The following ALDH1A2 variants were observed in gnomAD, a reference collection of about 807,000 sequenced individuals.
ALDH1A2 encodes the protein aldehyde dehydrogenase 1 family member A2.
ALDH1A2 carries 27 observed loss-of-function variants against 60.3 expected under a neutral mutation model. The observed-to-expected ratio is 0.45, with a 90% CI of 0.33 to 0.62. The LOEUF is 0.62. Among genes scored for constraint, ALDH1A2 ranks in the 20% least tolerant of loss-of-function variants. The pLI, the probability that ALDH1A2 is intolerant of heterozygous loss-of-function variation, is 0.02. For synonymous variants in ALDH1A2, 289 were observed against 232.4 expected (o/e 1.24, Z -2.21); for missense variants, 581 against 643.8 (o/e 0.90, Z 1.06).
intron 1 of ALDH1A2, among the ~76,000 whole-genome samples, chr15:58,053,551 C>T (rs1896827895): frequency 6.6e-6 from 1 of 152,012 alleles, no homozygotes; most frequent in African/African-American, 2.4e-5. Flanking sequence ...CTTTATGTAC[C>T]CCTATTTATG....
intron 7 of ALDH1A2, among the ~76,000 whole-genome samples, chr15:57,983,664 T>C (rs1894592514): frequency 1.3e-5 from 2 of 152,208 alleles, no homozygotes; most frequent in Admixed American, 6.5e-5. Context: ...GATCTTATCA[T>C]CTTGAAAATC....
At chr15:57,964,214 A>T in intron 8 of ALDH1A2, 145 bp from the exon 9 acceptor site, 1 of 730,810 alleles carries the variant, frequency 1.4e-6, no homozygotes, top group Non-Finnish European at 2.3e-6. Flanking sequence ...TGGGAATGCA[A>T]CTAGTTCTAA....
chr15:58,038,691 A>G (rs749862809), intron 1 of ALDH1A2: 3 of 151,812 alleles, frequency 2.0e-5, no homozygotes, highest in Non-Finnish European at 4.4e-5. Context: ...GTTGTGACAC[A>G]GTCCCAAATT....
chr15:57,960,217 T>C (rs553710372), intron 12 of ALDH1A2, among the ~76,000 whole-genome samples: 14 of 152,346 alleles, frequency 9.2e-5, no homozygotes, highest in African/African-American at 2.6e-4. Flanking sequence ...TCTTCCTCCA[T>C]AGACCAAGCA....
At chr15:58,043,860 AGTAGAGGCTCCTTTGG>A in intron 1 of ALDH1A2, among the ~76,000 whole-genome samples, 1 of 152,126 alleles carries the variant, frequency 6.6e-6, no homozygotes, top group Non-Finnish European at 1.5e-5. Context: ...GTCTAAACAT[AGTAGAGGCTCCTTTGG>A]TTAGGAAGAG....
Position 57,962,989 on chromosome 15 carries a change from G to C in ALDH1A2, c.1087-813C>G, listed in dbSNP as rs537624734. ...AACCTGCAGAGGAGGCTGTTCAGGA[G>C]AGACTTTGTGGCCCTCCCCACCCCA... is the stretch of plus-strand genomic sequence containing the variant. On this transcript the variant is annotated intron_variant, in intron 9 of 12. Coordinates refer to ENST00000249750, the MANE Select transcript of ALDH1A2 (RefSeq NM_003888.4). Among the ~76,000 whole-genome samples, 12 of 152,246 alleles carry C rather than the reference G, an allele frequency of 7.9e-5. No homozygotes were observed. In the South Asian group the frequency reaches 2.5e-3, roughly 32 times the overall value.
At chr15:58,063,976 AT>A (rs4646551) in intron 1 of ALDH1A2, among the ~76,000 whole-genome samples, 71,012 of 151,874 alleles carry the variant, frequency 0.47, 17,015 homozygotes, top group Non-Finnish European at 0.53. Context: ...GAGCTTCCAA[AT>A]TAAATTCTGA....
At chr15:58,061,604 AAAAAAC>A (rs1359951876) in intron 1 of ALDH1A2, among the ~76,000 whole-genome samples, 26 of 141,168 alleles carry the variant, frequency 1.8e-4, no homozygotes, top group Non-Finnish European at 2.6e-4. Flanking sequence ...TCAAAAAAAA[AAAAAAC>A]AAAAAAAAAA....
intron 1 of ALDH1A2, among the ~76,000 whole-genome samples, chr15:58,054,105 A>T (rs1566962094): frequency 6.6e-6 from 1 of 152,166 alleles, no homozygotes; most frequent in Non-Finnish European, 1.5e-5. Flanking sequence ...GGGAGAGCCA[A>T]CTACAAAGGT....
chr15:57,961,886 C>T, intron 10 of ALDH1A2, 126 bp downstream of exon 10: 1 of 1,328,076 alleles, frequency 7.5e-7, no homozygotes, highest in Non-Finnish European at 1.1e-6. Context: ...TAGCCATGTT[C>T]ATTACTGTTG....
At chr15:57,999,571 C>A (rs1051431965) in intron 4 of ALDH1A2, among the ~76,000 whole-genome samples, 2 of 151,702 alleles carry the variant, frequency 1.3e-5, no homozygotes, top group African/African-American at 4.8e-5. Flanking sequence ...AAAATAGGAA[C>A]ACTGTTCCTA....
intron 1 of ALDH1A2, among the ~76,000 whole-genome samples, chr15:58,035,423 T>C (rs541116749): frequency 4.1e-4 from 62 of 151,064 alleles, no homozygotes; most frequent in Admixed American, 9.3e-4. Flanking sequence ...GTCTTTATTG[T>C]TTTCATTTTC....
At chr15:58,004,920 T>C (rs1278859684) in intron 4 of ALDH1A2, among the ~76,000 whole-genome samples, 1 of 151,414 alleles carries the variant, frequency 6.6e-6, no homozygotes, top group Non-Finnish European at 1.5e-5. Context: ...GTTCATGGAT[T>C]AGAAGACTCA....
chr15:58,054,623 T>G (rs547834953), intron 1 of ALDH1A2, among the ~76,000 whole-genome samples: 1 of 152,188 alleles, frequency 6.6e-6, no homozygotes, highest in East Asian at 1.9e-4. Flanking sequence ...ATAGCCCAGT[T>G]ACACAAAATG....
intron 12 of ALDH1A2, among the ~76,000 whole-genome samples, chr15:57,960,060 G>A (rs1364669606): frequency 6.6e-6 from 1 of 152,066 alleles, no homozygotes; most frequent in African/African-American, 2.4e-5. Flanking sequence ...ATATCTAAAG[G>A]TTTCCCAGAT....
intron 1 of ALDH1A2, among the ~76,000 whole-genome samples, chr15:58,019,870 G>A (rs1383682264): frequency 6.6e-6 from 1 of 152,082 alleles, no homozygotes; most frequent in African/African-American, 2.4e-5. Flanking sequence ...GGACATGCAG[G>A]TTTGTTATGC....
At chr15:57,983,744 T>C (rs1211171423) in intron 7 of ALDH1A2, among the ~76,000 whole-genome samples, 2 of 152,194 alleles carry the variant, frequency 1.3e-5, no homozygotes, top group Non-Finnish European at 2.9e-5. Flanking sequence ...CACACTCTAA[T>C]AGTTACATAT....
At chr15:58,021,466 C>T (rs1472046104) in intron 1 of ALDH1A2, among the ~76,000 whole-genome samples, 1 of 152,118 alleles carries the variant, frequency 6.6e-6, no homozygotes, top group Non-Finnish European at 1.5e-5. Flanking sequence ...GGGAGACTTC[C>T]AGCAGCCAAC....
chr15:58,025,287 CCTAGA>C (rs1896048667), intron 1 of ALDH1A2, among the ~76,000 whole-genome samples: 1 of 151,992 alleles, frequency 6.6e-6, no homozygotes, highest in Non-Finnish European at 1.5e-5. Context: ...TAAACTGCTA[CCTAGA>C]CTAACCTAAA....
Sources: allele counts gnomAD v4.1 joint callset (sites outside exome capture counted in the v4.1 genomes callset), GRCh38; gene constraint gnomAD v4.1.1; transcripts MANE v1.5; gene names NCBI Gene and HGNC (gene_info 2026-07-23, HGNC 2026-07-21).